MAGED1: variants seen among roughly 807,000 people sequenced by gnomAD.
The protein encoded by MAGED1 is melanoma-associated antigen D1.
In MAGED1, 3 loss-of-function variants were observed where a neutral mutation model predicts 54.1. The ratio of observed to expected loss-of-function variants is 0.06; its 90% CI spans 0.03 to 0.14. The LOEUF (loss-of-function observed/expected upper bound fraction) is 0.14, where lower values mean the gene tolerates loss of function less well. Ranked by LOEUF, MAGED1 falls within the 10% of genes least tolerant of loss-of-function variation. MAGED1 has a pLI of 1.00. For synonymous variants in MAGED1, 217 were observed against 227.3 expected (o/e 0.95, Z 0.41); for missense variants, 485 against 623.4 (o/e 0.78, Z 2.36).
chrX:51,823,814 T>A, intron 1 of MAGED1, among the ~76,000 whole-genome samples: 1 of 111,611 alleles, frequency 9.0e-6, no homozygotes, highest in Non-Finnish European at 1.9e-5. Flanking sequence ...AGTTCATTCT[T>A]TGGAGATTAC....
intron 1 of MAGED1, among the ~76,000 whole-genome samples, chrX:51,846,995 A>G (rs1926710817): frequency 8.9e-6 from 1 of 112,360 alleles, no homozygotes; most frequent in Non-Finnish European, 1.9e-5. Context: ...TAAGTTTGTC[A>G]TAATTTGTTA....
intron 1 of MAGED1, among the ~76,000 whole-genome samples, chrX:51,869,975 A>T (rs1602250360): frequency 9.0e-6 from 1 of 111,035 alleles, no homozygotes; most frequent in East Asian, 2.9e-4. Flanking sequence ...GGGTCAGGGG[A>T]TCCTTCTGCC....
At chrX:51,831,414 C>T (rs1926062085) in intron 1 of MAGED1, among the ~76,000 whole-genome samples, 1 of 111,093 alleles carries the variant, frequency 9.0e-6, no homozygotes, top group African/African-American at 3.3e-5. Flanking sequence ...GAGTTCAAGA[C>T]CAGCCTGGGC....
At chrX:51,847,094 A>C (rs1426224976) in intron 1 of MAGED1, among the ~76,000 whole-genome samples, 1 of 112,411 alleles carries the variant, frequency 8.9e-6, no homozygotes, top group African/African-American at 3.2e-5. Context: ...AACCTATAGA[A>C]AAGAATCAGA....
At chrX:51,822,025 A>T (rs1925656044) in intron 1 of MAGED1, among the ~76,000 whole-genome samples, 1 of 111,409 alleles carries the variant, frequency 9.0e-6, no homozygotes, top group Admixed American at 9.5e-5. Flanking sequence ...CATAAGGGAT[A>T]TTGGTCTGTA....
chrX:51,819,900 A>G (rs947032690), intron 1 of MAGED1, among the ~76,000 whole-genome samples: 1 of 111,875 alleles, frequency 8.9e-6, no homozygotes, highest in Non-Finnish European at 1.9e-5. Flanking sequence ...ATTTACACCT[A>G]TGCTTTCTTC....
intron 1 of MAGED1, among the ~76,000 whole-genome samples, chrX:51,849,116 TA>T (rs1926795252): frequency 9.0e-6 from 1 of 110,903 alleles, no homozygotes; most frequent in Admixed American, 9.6e-5. Context: ...TGTAGGGATG[TA>T]AGGATCTTAC....
At chrX:51,862,679 G>T (rs186672362) in intron 1 of MAGED1, among the ~76,000 whole-genome samples, 308 of 111,575 alleles carry the variant, frequency 2.8e-3, no homozygotes, top group African/African-American at 9.7e-3. Flanking sequence ...GAGGTTCTGC[G>T]TCAAAAACTG....
At chrX:51,803,719 A>C (rs1382143400) in intron 1 of MAGED1, among the ~76,000 whole-genome samples, 1 of 38,002 alleles carries the variant, frequency 2.6e-5, no homozygotes, top group Non-Finnish European at 4.7e-5. Context: ...TGTCCAAATG[A>C]TGTTCTTTTT....
chrX:51,823,873 A>G (rs1490284727), intron 1 of MAGED1, among the ~76,000 whole-genome samples: 1 of 111,227 alleles, frequency 9.0e-6, no homozygotes, highest in Non-Finnish European at 1.9e-5. Flanking sequence ...ATATGAACTT[A>G]CTGTCCTAGA....
Position 51,898,629 on chromosome X carries a change from G to A in MAGED1, c.1830G>A (p.Glu610=), listed in dbSNP as rs1928871357. ...ATCTAAGGAAACTTCTCACCTATGAGTTTGTAAAGCAGAAGTAAGTGATGC... is the reference window on the plus strand; with the variant it reads ...ATCTAAGGAAACTTCTCACCTATGAATTTGTAAAGCAGAAGTAAGTGATGC... ...LGDLRKLLTY[E]FVKQKYLDYR... The change falls in exon 10 of 13, where the codon GAG becomes GAA. Residue 610 remains glutamate (E), a synonymous_variant. Coordinates refer to ENST00000326587, the MANE Select transcript of MAGED1 (RefSeq NM_006986.4). The A allele has an allele frequency of 1.7e-6, 2 of 1,208,166 alleles. No homozygotes were observed. Among genetic ancestry groups the A allele is most frequent in the East Asian group, 3.0e-5 (1 of 33,803 alleles).
chrX:51,871,769 G>A (rs1349826018), intron 1 of MAGED1, among the ~76,000 whole-genome samples: 1 of 111,499 alleles, frequency 9.0e-6, no homozygotes, highest in African/African-American at 3.3e-5. Flanking sequence ...ATGATTTATG[G>A]AATCCTTTGA....
chrX:51,829,399 G>A (rs1323402281), intron 1 of MAGED1, among the ~76,000 whole-genome samples: 1 of 109,795 alleles, frequency 9.1e-6, no homozygotes, highest in Non-Finnish European at 1.9e-5. Flanking sequence ...ATAGAGCAGA[G>A]TATATCATTC....
intron 1 of MAGED1, among the ~76,000 whole-genome samples, chrX:51,862,951 C>T (rs181781073): frequency 2.5e-3 from 277 of 111,899 alleles, no homozygotes; most frequent in African/African-American, 8.8e-3. Flanking sequence ...ACATATCCAT[C>T]AACTCACAGT....
At chrX:51,829,680 A>C (rs1430921859) in intron 1 of MAGED1, among the ~76,000 whole-genome samples, 4 of 111,705 alleles carry the variant, frequency 3.6e-5, no homozygotes, top group African/African-American at 1.3e-4. Context: ...TAAAAAAGGA[A>C]ATACAGAAGT....
intron 1 of MAGED1, among the ~76,000 whole-genome samples, chrX:51,867,412 A>G (rs1927495417): frequency 8.9e-6 from 1 of 112,124 alleles, no homozygotes; most frequent in Admixed American, 9.4e-5. Context: ...GAGCAAGAAG[A>G]GCCAATCCGA....
At chrX:51,819,226 G>T (rs1012471050) in intron 1 of MAGED1, among the ~76,000 whole-genome samples, 3 of 109,445 alleles carry the variant, frequency 2.7e-5, no homozygotes, top group Non-Finnish European at 5.7e-5. Context: ...AGCTCTGGTT[G>T]CTCCCTCCTT....
chrX:51,871,503 A>G (rs1188465915), intron 1 of MAGED1, among the ~76,000 whole-genome samples: 1 of 108,754 alleles, frequency 9.2e-6, no homozygotes, highest in Non-Finnish European at 1.9e-5. Flanking sequence ...GTTCCCACCT[A>G]TGAGTGAGAA....
intron 2 of MAGED1, 69 bp from the exon 3 acceptor site, chrX:51,894,984 T>C: frequency 1.0e-6 from 1 of 979,187 alleles, no homozygotes; most frequent in Non-Finnish European, 1.4e-6. Flanking sequence ...CCACCCGGGC[T>C]CCCTATTCCC....
Sources: allele counts gnomAD v4.1 joint callset (sites outside exome capture counted in the v4.1 genomes callset), GRCh38; gene constraint gnomAD v4.1.1; transcripts MANE v1.5; gene names NCBI Gene and HGNC (gene_info 2026-07-23, HGNC 2026-07-21).